Variants in CPLX2 observed in about 807,000 individuals in gnomAD.
CPLX2 encodes the protein complexin 2, also known as complexin-2.
Under a neutral mutation model 16.3 loss-of-function variants are expected in CPLX2, and 5 were observed. That is an observed-to-expected ratio of 0.31 (90% CI 0.16 to 0.64). The LOEUF (loss-of-function observed/expected upper bound fraction) is 0.64, where lower values mean the gene tolerates loss of function less well. Among genes scored for constraint, CPLX2 ranks in the 30% least tolerant of loss-of-function variants. The probability of loss-of-function intolerance (pLI) is 0.79; values close to 1 mark genes in which losing one functional copy is unlikely to be tolerated. For missense variants in CPLX2, 144 were observed against 181.4 expected (o/e 0.79, Z 1.18); for synonymous variants, 89 against 73.2 (o/e 1.22, Z -1.10).
rs1038367051 is a variant in CPLX2 at position 175,799,563 on chromosome 5, TATATATATATATAG to T, written c.-169+2780_-169+2793del. ...TCATATATATATATATATATATATA[TATATATATATATAG>T]TAATCACAGCTTACTGTATCCTCAA... On this transcript the variant is annotated intron_variant, in intron 1 of 4. Transcript: ENST00000359546. 8.4e-5 allele frequency among the ~76,000 whole-genome samples: 12 copies of T among 142,984 alleles called. 1 individual carries two copies. The highest frequency in any genetic ancestry group is 3.1e-4 in the African/African-American group (12 of 38,540). 93.8% of individuals were successfully genotyped at this position (142,984 alleles called of 152,430 possible).
intron 2 of CPLX2, among the ~76,000 whole-genome samples, chr5:175,824,441 G>A (rs537135912): frequency 1.3e-5 from 2 of 152,282 alleles, no homozygotes; most frequent in South Asian, 2.1e-4. Context: ...TGGGGACCAG[G>A]GACCCTGCCC....
In CPLX2 at chr5:175,831,855, C is replaced by T. The variant is rs149192459; in HGVS notation, c.-89+22787C>T. Among the ~76,000 whole-genome samples the T allele has an allele frequency of 3.9e-5, 6 of 152,212 alleles. No homozygotes were observed. The East Asian group carries it at 5.8e-4, about 15-fold the overall frequency. ...CAAACAAAGCTAGTGAGGAGATGGG[C>T]GACATTTGAGTTGGGGTTTAAGAGA... On this transcript the variant is annotated intron_variant, in intron 2 of 4. Transcript: ENST00000359546.
chr5:175,811,903 G>A (rs978808908), intron 2 of CPLX2, among the ~76,000 whole-genome samples: 1 of 152,220 alleles, frequency 6.6e-6, no homozygotes, highest in African/African-American at 2.4e-5. Flanking sequence ...GGCAATAGAA[G>A]CCTTTCTTAC....
chr5:175,818,449 T>C lies in CPLX2; in HGVS notation c.-89+9381T>C, dbSNP rs567595353. ...AAGGGCGAGTTGTTTTTCATTTTTG[T>C]TTTTTCAGGAAAAAAAAATTACTGA... On this transcript the variant is annotated intron_variant, in intron 2 of 4. Coordinates refer to the CPLX2 transcript ENST00000359546. Among the ~76,000 whole-genome samples, 114 of 152,092 alleles carry C rather than the reference T, an allele frequency of 7.5e-4. 2 individuals are homozygous for C. The South Asian group carries it at 0.023, about 31-fold the overall frequency.
chr5:175,812,493 G>C (rs1053331035), intron 2 of CPLX2, among the ~76,000 whole-genome samples: 1 of 152,192 alleles, frequency 6.6e-6, no homozygotes, highest in South Asian at 2.1e-4. Flanking sequence ...TGAATAATCA[G>C]GTCAGAGTAA....
chr5:175,859,150 C>T (rs967402274), intron 2 of CPLX2, among the ~76,000 whole-genome samples: 2 of 152,204 alleles, frequency 1.3e-5, no homozygotes, highest in Admixed American at 6.5e-5. Context: ...GCTAAGGAGA[C>T]ACATCTGAGA....
intron 2 of CPLX2, among the ~76,000 whole-genome samples, chr5:175,848,258 G>A (rs1759088008): frequency 6.6e-6 from 1 of 152,188 alleles, no homozygotes; most frequent in African/African-American, 2.4e-5. Context: ...CAAAGGCTGA[G>A]GCATGATGAA....
intron 2 of CPLX2, among the ~76,000 whole-genome samples, chr5:175,860,516 AAAAG>A (rs765708535): frequency 0.011 from 233 of 21,344 alleles, 1 homozygote; most frequent in Middle Eastern, 0.016. Flanking sequence ...GAAAGAAAGA[AAAAG>A]AAAGAAAGAA....
At chr5:175,851,630 A>C (rs1378081243) in intron 2 of CPLX2, among the ~76,000 whole-genome samples, 2 of 152,250 alleles carry the variant, frequency 1.3e-5, no homozygotes, top group Non-Finnish European at 2.9e-5. Context: ...TCCAGGCCCT[A>C]CTAGGCCTTA....
intron 2 of CPLX2, among the ~76,000 whole-genome samples, chr5:175,811,502 C>T (rs1758311645): frequency 6.6e-6 from 1 of 152,138 alleles, no homozygotes. Context: ...GTCGAATAGG[C>T]AGAGAGGTCC....
chr5:175,801,295 A>G (rs773546886), intron 1 of CPLX2, among the ~76,000 whole-genome samples: 1 of 152,198 alleles, frequency 6.6e-6, no homozygotes, highest in Non-Finnish European at 1.5e-5. Flanking sequence ...GGAGGTCAGC[A>G]TTCAGCTGAG....
chr5:175,857,711 ACT>A (rs1463460968), intron 2 of CPLX2, among the ~76,000 whole-genome samples: 1 of 152,116 alleles, frequency 6.6e-6, no homozygotes, highest in African/African-American at 2.4e-5. Flanking sequence ...ACCACTACAA[ACT>A]CAAAAAAATC....
chr5:175,821,249 G>C (rs567814787), intron 2 of CPLX2, among the ~76,000 whole-genome samples: 1 of 151,810 alleles, frequency 6.6e-6, no homozygotes, highest in Non-Finnish European at 1.5e-5. Context: ...TCAGCTCTAC[G>C]CAAGCAGGAC....
At chr5:175,867,460 C>T (rs116592326), upstream of CPLX2, among the ~76,000 whole-genome samples, 698 of 152,266 alleles carry the variant, frequency 4.6e-3, 4 homozygotes, top group African/African-American at 0.016. Flanking sequence ...AATGGTGACA[C>T]GTCCCCAGAG....
chr5:175,815,791 G>A (rs1252228297), intron 2 of CPLX2, among the ~76,000 whole-genome samples: 1 of 152,150 alleles, frequency 6.6e-6, no homozygotes, highest in Non-Finnish European at 1.5e-5. Context: ...TTTTGTCACA[G>A]CATTGACCCT....
intron 2 of CPLX2, among the ~76,000 whole-genome samples, chr5:175,850,204 C>G (rs1448280999): frequency 6.6e-6 from 1 of 151,952 alleles, no homozygotes; most frequent in Non-Finnish European, 1.5e-5. Flanking sequence ...CCTGTAACAA[C>G]GTCACATTCA....
At chr5:175,864,578 T>C (rs1017060723) in intron 2 of CPLX2, among the ~76,000 whole-genome samples, 1 of 152,226 alleles carries the variant, frequency 6.6e-6, no homozygotes, top group African/African-American at 2.4e-5. Flanking sequence ...GAGTGTGAAC[T>C]GGTCCGTGTG....
intron 1 of CPLX2, among the ~76,000 whole-genome samples, chr5:175,804,614 C>T (rs929050687): frequency 2.6e-5 from 4 of 152,180 alleles, no homozygotes; most frequent in African/African-American, 9.7e-5. Flanking sequence ...CACGGACCGG[C>T]AACATCAACA....
At chr5:175,870,992 G>A (rs1759578605), upstream of CPLX2, among the ~76,000 whole-genome samples, 1 of 152,144 alleles carries the variant, frequency 6.6e-6, no homozygotes, top group Non-Finnish European at 1.5e-5. Flanking sequence ...GTCCAGTCCT[G>A]GAGCTGCTCA....
Sources: gnomAD v4.1 joint callset for allele counts (sites outside exome capture counted in the v4.1 genomes callset) on GRCh38, gnomAD v4.1.1 for gene constraint, MANE v1.5 for transcripts, NCBI Gene and HGNC (gene_info 2026-07-23, HGNC 2026-07-21) for gene names.